Variants in EPHA6 observed in about 807,000 individuals in gnomAD.
EPHA6 encodes the protein ephrin type-A receptor 6.
A neutral mutation model predicts 112.0 loss-of-function variants in EPHA6; 50 were observed. The ratio of observed to expected loss-of-function variants is 0.45; its 90% CI spans 0.36 to 0.56. The LOEUF is 0.56. Among genes scored for constraint, EPHA6 ranks in the 20% least tolerant of loss-of-function variants. The pLI is 0.00. For missense variants in EPHA6, 1,280 were observed against 1,417.4 expected, an observed-to-expected ratio of 0.90 and a Z score of 1.56; for synonymous variants, 529 against 490.7, an observed-to-expected ratio of 1.08 and a Z score of -1.03.
chr3:97,239,011 A>G (rs1206097730), intron 4 of EPHA6, among the ~76,000 whole-genome samples: 1 of 151,976 alleles, frequency 6.6e-6, no homozygotes, highest in Non-Finnish European at 1.5e-5. Context: ...ATCCTGATTG[A>G]TGGGACTATG....
chr3:96,924,757 A>G (rs778831205), intron 2 of EPHA6, among the ~76,000 whole-genome samples: 3 of 152,082 alleles, frequency 2.0e-5, no homozygotes, highest in Non-Finnish European at 2.9e-5. Context: ...ATTCAGTATG[A>G]TATTGGCTGT....
At chr3:97,222,368 G>T (rs1393717597) in intron 3 of EPHA6, among the ~76,000 whole-genome samples, 1 of 151,984 alleles carries the variant, frequency 6.6e-6, no homozygotes, top group Non-Finnish European at 1.5e-5. Flanking sequence ...TATATTTTAT[G>T]GGTTCAAAAT....
chr3:97,667,637 A>G (rs2030286484), intron 14 of EPHA6, among the ~76,000 whole-genome samples: 1 of 152,226 alleles, frequency 6.6e-6, no homozygotes, highest in Non-Finnish European at 1.5e-5. Context: ...GAACATCTTT[A>G]TATCTAAGTG....
chr3:96,968,740 A>G (rs7622274), intron 2 of EPHA6, among the ~76,000 whole-genome samples: 3,556 of 151,998 alleles, frequency 0.023, 148 homozygotes, highest in African/African-American at 0.081. Context: ...ATAATGTGCA[A>G]TATTCAGGGA....
intron 3 of EPHA6, among the ~76,000 whole-genome samples, chr3:97,132,100 G>T (rs1023976136): frequency 6.6e-6 from 1 of 152,040 alleles, no homozygotes; most frequent in Non-Finnish European, 1.5e-5. Context: ...CAGCCCTCAA[G>T]TTAGTTTGAT....
chr3:96,990,100 T>G (rs959779890), intron 3 of EPHA6, among the ~76,000 whole-genome samples: 1 of 152,212 alleles, frequency 6.6e-6, no homozygotes, highest in African/African-American at 2.4e-5. Context: ...AAATACAGTT[T>G]TTTAAATATT....
At chr3:97,571,673 C>CG (rs1257575207) in intron 11 of EPHA6, among the ~76,000 whole-genome samples, 1 of 85,720 alleles carries the variant, frequency 1.2e-5, no homozygotes, top group Non-Finnish European at 2.0e-5. Context: ...CATAATGAAA[C>CG]TCTTTCCTGT....
In EPHA6 at chr3:97,186,025, A is replaced by G. The variant is rs555096609; in HGVS notation, c.1115-40239A>G. On this transcript the variant is annotated intron_variant, in intron 3 of 17. Transcript: ENST00000389672. Reference sequence around the variant, plus strand: ...GGAATTGAACAATGAGAACACATGGACACAAGAAGGGGAACATCACACACC... The same window carrying G: ...GGAATTGAACAATGAGAACACATGGGCACAAGAAGGGGAACATCACACACC... Among the ~76,000 whole-genome samples, 12 of 137,342 alleles carry G rather than the reference A, an allele frequency of 8.7e-5. No homozygotes were observed. The East Asian group carries it at 3.0e-3, about 34-fold the overall frequency. 90.1% of individuals were successfully genotyped at this position (137,342 alleles called of 152,430 possible).
At chr3:97,585,655 G>T (rs966827080) in intron 11 of EPHA6, among the ~76,000 whole-genome samples, 2 of 150,988 alleles carry the variant, frequency 1.3e-5, no homozygotes, top group Non-Finnish European at 2.9e-5. Context: ...ATTTTTAATT[G>T]TATTTAGTGC....
chr3:97,378,102 G>A (rs1444800170), intron 5 of EPHA6, among the ~76,000 whole-genome samples: 2 of 152,160 alleles, frequency 1.3e-5, no homozygotes, highest in East Asian at 1.9e-4. Flanking sequence ...AGGAAAAAAT[G>A]GTTTTATGGG....
At chr3:97,069,115 AC>A (rs1447739487) in intron 3 of EPHA6, among the ~76,000 whole-genome samples, 1 of 152,094 alleles carries the variant, frequency 6.6e-6, no homozygotes, top group Non-Finnish European at 1.5e-5. Flanking sequence ...TGACTACCCC[AC>A]AGTTTAACTA....
chr3:97,172,048 T>C (rs2076717644), intron 3 of EPHA6, among the ~76,000 whole-genome samples: 1 of 152,132 alleles, frequency 6.6e-6, no homozygotes, highest in African/African-American at 2.4e-5. Flanking sequence ...TTTAAGAATA[T>C]GGTTTTAATG....
intron 13 of EPHA6, among the ~76,000 whole-genome samples, chr3:97,633,213 C>G (rs749351353): frequency 6.6e-6 from 1 of 151,856 alleles, no homozygotes. Context: ...TTCAGAAACC[C>G]CTTCCAATCA....
intron 13 of EPHA6, 49 bp downstream of exon 13, chr3:97,610,903 A>G: frequency 7.3e-7 from 1 of 1,367,626 alleles, no homozygotes. Flanking sequence ...TCTCAGTTCT[A>G]TATTTAAATC....
At chr3:97,436,490 C>T (rs866038310) in intron 6 of EPHA6, among the ~76,000 whole-genome samples, 17 of 152,020 alleles carry the variant, frequency 1.1e-4, no homozygotes, top group African/African-American at 4.1e-4. Flanking sequence ...TTTCCCCTGT[C>T]CTAAATGAGG....
intron 3 of EPHA6, among the ~76,000 whole-genome samples, chr3:97,149,128 G>GT (rs1418113014): frequency 1.3e-5 from 2 of 152,018 alleles, no homozygotes; most frequent in Non-Finnish European, 2.9e-5. Flanking sequence ...AAGATGACAG[G>GT]TTTTTTTGGC....
intron 10 of EPHA6, among the ~76,000 whole-genome samples, chr3:97,492,167 T>C (rs2091856273): frequency 7.6e-6 from 1 of 131,870 alleles, no homozygotes; most frequent in East Asian, 2.0e-4. Flanking sequence ...ATTTTTGCTT[T>C]GCACCCCCTA....
At chr3:97,181,504 C>T (rs2076988040) in intron 3 of EPHA6, among the ~76,000 whole-genome samples, 1 of 151,986 alleles carries the variant, frequency 6.6e-6, no homozygotes, top group Non-Finnish European at 1.5e-5. Flanking sequence ...GTAAGTCATG[C>T]ATGAACGGTG....
chr3:97,258,251 T>TAC (rs368778044), intron 5 of EPHA6, among the ~76,000 whole-genome samples: 2,404 of 147,424 alleles, frequency 0.016, 20 homozygotes, highest in African/African-American at 0.022. Context: ...TATATATATA[T>TAC]ACACACACAC....
Sources: gnomAD v4.1 joint callset for allele counts (sites outside exome capture counted in the v4.1 genomes callset) on GRCh38, gnomAD v4.1.1 for gene constraint, MANE v1.5 for transcripts, NCBI Gene and HGNC (gene_info 2026-07-23, HGNC 2026-07-21) for gene names.